EIPR1: variants seen among roughly 807,000 people sequenced by gnomAD.
EIPR1 encodes EARP and GARP complex-interacting protein 1.
A neutral mutation model predicts 48.1 loss-of-function variants in EIPR1; 25 were observed. That is an observed-to-expected ratio of 0.52 (90% CI 0.38 to 0.73). EIPR1 has a LOEUF of 0.73. EIPR1 is among the 30% of genes least tolerant of loss of function. The pLI, the probability that EIPR1 is intolerant of heterozygous loss-of-function variation, is 0.00. For missense variants in EIPR1, 415 were observed against 506.2 expected, an observed-to-expected ratio of 0.82 and a Z score of 1.73; for synonymous variants, 204 against 201.9, an observed-to-expected ratio of 1.01 and a Z score of -0.09.
rs763969061 is a variant in EIPR1, at chr2:3,236,806, A to C, written c.416+20493T>G. ...ACCAGCCCCAAATTAAAAAGCTATAAATGGCAGAGCTGAGAGTCAACCAAG... is the reference window on the plus strand; with the variant it reads ...ACCAGCCCCAAATTAAAAAGCTATACATGGCAGAGCTGAGAGTCAACCAAG... On this transcript the variant is annotated intron_variant, in intron 4 of 8. Coordinates refer to ENST00000382125, the MANE Select transcript of EIPR1 (RefSeq NM_003310.5). 7.2e-5 allele frequency among the ~76,000 whole-genome samples: 11 copies of C among 152,138 alleles called. 1 individual carries two copies. The highest frequency in any genetic ancestry group is 1.2e-4 in the African/African-American group (5 of 41,424).
At chr2:3,344,660 T>G (rs1403344109) in intron 2 of EIPR1, among the ~76,000 whole-genome samples, 2 of 131,942 alleles carry the variant, frequency 1.5e-5, no homozygotes, top group African/African-American at 5.9e-5. Flanking sequence ...TTTTTTTTTT[T>G]GAGACAGAGT....
At chr2:3,321,574 T>C (rs1459452174) in intron 3 of EIPR1, among the ~76,000 whole-genome samples, 3 of 152,230 alleles carry the variant, frequency 2.0e-5, no homozygotes, top group East Asian at 3.9e-4. Context: ...CCACTTCTTC[T>C]CTCAGCTTAT....
At chr2:3,359,976 C>T (rs1485828538) in intron 1 of EIPR1, among the ~76,000 whole-genome samples, 12 of 152,182 alleles carry the variant, frequency 7.9e-5, no homozygotes, top group Admixed American at 4.6e-4. Flanking sequence ...ACACTCCCAA[C>T]GTTCAGCCCG....
intron 4 of EIPR1, chr2:3,214,544 G>T (rs142817461): frequency 3.6e-4 from 83 of 233,000 alleles, no homozygotes; most frequent in African/African-American, 1.8e-3. Flanking sequence ...CACATCCGTC[G>T]TAAGTTTAAA....
intron 3 of EIPR1, among the ~76,000 whole-genome samples, chr2:3,299,286 C>A (rs912749624): frequency 1.3e-5 from 2 of 151,880 alleles, no homozygotes; most frequent in Non-Finnish European, 2.9e-5. Context: ...TTGTCCTGGC[C>A]CCCCGTCCTG....
At chr2:3,299,620 TCTCTCA>T (rs1201985111) in intron 3 of EIPR1, among the ~76,000 whole-genome samples, 6 of 121,330 alleles carry the variant, frequency 4.9e-5, no homozygotes, top group Non-Finnish European at 9.2e-5. Flanking sequence ...TCTCTCTCTC[TCTCTCA>T]CACACACACA....
chr2:3,244,820 G>A lies in EIPR1; in HGVS notation c.416+12479C>T, dbSNP rs1488151729. On this transcript the variant is annotated intron_variant, in intron 4 of 8. Transcript: ENST00000382125. ...CCAAATGGACTAAGGCGTTTTCTGA[G>A]CCATTCGCCTGGACACACCGATCTG... Among the ~76,000 whole-genome samples, 4 of 152,166 alleles carry A rather than the reference G, an allele frequency of 2.6e-5. No homozygotes were observed. The East Asian group carries it at 5.8e-4, about 22-fold the overall frequency.
chr2:3,360,536 G>A (rs1344469071), intron 1 of EIPR1, among the ~76,000 whole-genome samples: 1 of 152,180 alleles, frequency 6.6e-6, no homozygotes, highest in East Asian at 1.9e-4. Flanking sequence ...GTTCAGGATC[G>A]TAGCAGGAAA....
At chr2:3,208,935 T>A in intron 5 of EIPR1, 1 of 1,514,024 alleles carries the variant, frequency 6.6e-7, no homozygotes, top group Admixed American at 2.1e-5. Context: ...GCACGCTCCT[T>A]CAGAATGTTC....
chr2:3,322,833 C>A (rs186561481), intron 3 of EIPR1, among the ~76,000 whole-genome samples: 1 of 152,328 alleles, frequency 6.6e-6, no homozygotes, highest in East Asian at 1.9e-4. Context: ...AGTGGGAAGT[C>A]CCCAGGCCAG....
chr2:3,257,512 G>T, intron 3 of EIPR1, 57 bp from the exon 4 acceptor site: 1 of 1,587,204 alleles, frequency 6.3e-7, no homozygotes, highest in Non-Finnish European at 8.6e-7. Flanking sequence ...CCCGCATTCT[G>T]CAGACAGCAC....
At chr2:3,357,797 GA>G (rs1469942964) in intron 1 of EIPR1, among the ~76,000 whole-genome samples, 1 of 147,228 alleles carries the variant, frequency 6.8e-6, no homozygotes, top group Non-Finnish European at 1.5e-5. Context: ...TAATTCAGCT[GA>G]AGTTTTTCTT....
intron 1 of EIPR1, among the ~76,000 whole-genome samples, chr2:3,363,068 T>C (rs1306317676): frequency 6.6e-6 from 1 of 152,112 alleles, no homozygotes; most frequent in African/African-American, 2.4e-5. Context: ...TTGGGGTAAA[T>C]GACAGCTCAA....
chr2:3,248,004 C>T (rs1488631854), intron 4 of EIPR1, among the ~76,000 whole-genome samples: 1 of 152,006 alleles, frequency 6.6e-6, no homozygotes, highest in Non-Finnish European at 1.5e-5. Context: ...CTCCACATGT[C>T]ATGTTGCAAT....
intron 5 of EIPR1, chr2:3,208,637 G>C (rs1431061004): frequency 1.3e-6 from 2 of 1,550,626 alleles, no homozygotes; most frequent in Admixed American, 3.9e-5. Flanking sequence ...TGGCATTCTG[G>C]TATGCTTGGC....
chr2:3,374,362 A>G (rs1659801711), intron 1 of EIPR1, among the ~76,000 whole-genome samples: 1 of 151,950 alleles, frequency 6.6e-6, no homozygotes, highest in Non-Finnish European at 1.5e-5. Flanking sequence ...TGCCAACAAA[A>G]GCCAAAATTG....
chr2:3,276,102 A>G (rs1382716776), intron 3 of EIPR1, among the ~76,000 whole-genome samples: 1 of 152,236 alleles, frequency 6.6e-6, no homozygotes, highest in Non-Finnish European at 1.5e-5. Flanking sequence ...GAAACCATTC[A>G]ATTTCATAGG....
At chr2:3,339,105 C>T (rs1223581456) in intron 2 of EIPR1, among the ~76,000 whole-genome samples, 2 of 152,128 alleles carry the variant, frequency 1.3e-5, no homozygotes, top group Non-Finnish European at 2.9e-5. Flanking sequence ...TGGCATGGAA[C>T]GATGTAATAT....
chr2:3,257,899 T>C (rs1396640623), intron 3 of EIPR1, among the ~76,000 whole-genome samples: 1 of 152,226 alleles, frequency 6.6e-6, no homozygotes, highest in East Asian at 1.9e-4. Flanking sequence ...CACTGAGCGA[T>C]ATTCCATTCG....
Sources: allele counts gnomAD v4.1 joint callset (sites outside exome capture counted in the v4.1 genomes callset), GRCh38; gene constraint gnomAD v4.1.1; transcripts MANE v1.5; gene names NCBI Gene and HGNC (gene_info 2026-07-23, HGNC 2026-07-21).